Variants in RBFOX1 observed in about 807,000 individuals in gnomAD.
The protein encoded by RBFOX1 is RNA binding fox-1 homolog 1.
In RBFOX1, 8 loss-of-function variants were observed where a neutral mutation model predicts 57.7. The ratio of observed to expected loss-of-function variants is 0.14; its 90% confidence interval spans 0.08 to 0.25. The LOEUF is 0.25. Among genes scored for constraint, RBFOX1 ranks in the 10% least tolerant of loss-of-function variants. The probability of loss-of-function intolerance (pLI) is 1.00; values close to 1 mark genes in which losing one functional copy is unlikely to be tolerated. For missense variants in RBFOX1, 611 were observed against 548.5 expected (o/e 1.11, Z -1.14); for synonymous variants, 326 against 222.4 (o/e 1.47, Z -4.15).
At chr16:5,412,797 A>G (rs888887311) in intron 1 of RBFOX1, among the ~76,000 whole-genome samples, 17 of 152,252 alleles carry the variant, frequency 1.1e-4, no homozygotes, top group African/African-American at 3.9e-4. Flanking sequence ...GCACCTACAC[A>G]CATATCCACC....
At chr16:5,269,117 ATGTTGGC>A (rs2062937077) in intron 1 of RBFOX1, among the ~76,000 whole-genome samples, 1 of 152,190 alleles carries the variant, frequency 6.6e-6, no homozygotes, top group Non-Finnish European at 1.5e-5. Flanking sequence ...GGGTTTCACC[ATGTTGGC>A]CAGGCTGGTC....
rs571228205 is a variant in RBFOX1, at chr16:6,665,661, T to G, written c.-16+11011T>G. Among the ~76,000 whole-genome samples the G allele has an allele frequency of 1.1e-4, 16 of 150,874 alleles. 1 individual carries two copies. In the East Asian group the frequency reaches 2.9e-3, roughly 27 times the overall value. On this transcript the variant is annotated intron_variant, in intron 3 of 15. Transcript: ENST00000550418. ...AAAAGAAGAAGGAGGGAGTGTCACC[T>G]AATGAAACCTTGACTGATATTTTTT...
intron 1 of RBFOX1, among the ~76,000 whole-genome samples, chr16:6,298,131 G>C (rs893783278): frequency 1.3e-5 from 2 of 152,188 alleles, no homozygotes; most frequent in African/African-American, 4.8e-5. Context: ...CACACGCCCA[G>C]TTGGGCTCCT....
At chr16:7,674,359 T>C (rs1433788249) in intron 13 of RBFOX1, among the ~76,000 whole-genome samples, 1 of 152,194 alleles carries the variant, frequency 6.6e-6, no homozygotes, top group African/African-American at 2.4e-5. Context: ...ATCAGTTCAT[T>C]GCACTAGTTA....
chr16:6,385,832 G>A (rs2092231159), intron 2 of RBFOX1, among the ~76,000 whole-genome samples: 1 of 152,216 alleles, frequency 6.6e-6, no homozygotes, highest in South Asian at 2.1e-4. Context: ...CCAGGGAGCT[G>A]AAATACTAGT....
intron 4 of RBFOX1, among the ~76,000 whole-genome samples, chr16:7,423,574 A>G (rs1037603247): frequency 3.3e-5 from 5 of 152,146 alleles, no homozygotes; most frequent in African/African-American, 9.7e-5. Flanking sequence ...CTACCCTCAC[A>G]CTACTGGAAA....
At chr16:7,099,734 G>T (rs2062343613) in intron 4 of RBFOX1, among the ~76,000 whole-genome samples, 1 of 152,134 alleles carries the variant, frequency 6.6e-6, no homozygotes, top group South Asian at 2.1e-4. Context: ...CAAGGAGGAA[G>T]GTGTTTCCAG....
At chr16:6,876,440 G>A (rs1055255372) in intron 3 of RBFOX1, among the ~76,000 whole-genome samples, 4 of 151,928 alleles carry the variant, frequency 2.6e-5, no homozygotes, top group Non-Finnish European at 5.9e-5. Context: ...TCTTAAAAAT[G>A]AAGTGATATC....
chr16:7,622,907 T>C (rs1171827117), intron 10 of RBFOX1, among the ~76,000 whole-genome samples: 1 of 152,188 alleles, frequency 6.6e-6, no homozygotes, highest in Non-Finnish European at 1.5e-5. Context: ...ACTGTGAAAA[T>C]ATTCTTACAT....
At chr16:5,255,187 T>C (rs1300905750) in intron 1 of RBFOX1, among the ~76,000 whole-genome samples, 2 of 152,114 alleles carry the variant, frequency 1.3e-5, no homozygotes, top group African/African-American at 2.4e-5. Flanking sequence ...TCATGAGTAT[T>C]ACAGAGGCAA....
chr16:6,581,276 C>T (rs1319431583), intron 2 of RBFOX1, among the ~76,000 whole-genome samples: 1 of 152,196 alleles, frequency 6.6e-6, no homozygotes, highest in Admixed American at 6.5e-5. Context: ...TTATCTCCTG[C>T]ACAGGGTTCT....
At chr16:5,359,843 G>T (rs1003956741) in intron 1 of RBFOX1, among the ~76,000 whole-genome samples, 1 of 152,136 alleles carries the variant, frequency 6.6e-6, no homozygotes, top group Non-Finnish European at 1.5e-5. Flanking sequence ...TTTCCTCTCT[G>T]GTCCTCCGCT....
chr16:6,546,371 G>GTT (rs1253182087), intron 2 of RBFOX1, among the ~76,000 whole-genome samples: 2 of 152,214 alleles, frequency 1.3e-5, no homozygotes, highest in African/African-American at 4.8e-5. Flanking sequence ...AAAAATGACA[G>GTT]ACATTTATTG....
intron 1 of RBFOX1, among the ~76,000 whole-genome samples, chr16:5,450,551 C>T (rs541315089): frequency 1.3e-5 from 2 of 152,190 alleles, no homozygotes; most frequent in Non-Finnish European, 2.9e-5. Flanking sequence ...AGAGGTTGAG[C>T]ACATCCCTTT....
intron 3 of RBFOX1, among the ~76,000 whole-genome samples, chr16:5,645,669 C>G (rs529257084): frequency 6.6e-6 from 1 of 152,132 alleles, no homozygotes; most frequent in Non-Finnish European, 1.5e-5. Context: ...TATTTACATA[C>G]GTATTTTTTG....
At chr16:7,654,583 C>T (rs2065864851) in intron 12 of RBFOX1, among the ~76,000 whole-genome samples, 1 of 152,114 alleles carries the variant, frequency 6.6e-6, no homozygotes, top group Non-Finnish European at 1.5e-5. Context: ...TCCTTCTCTG[C>T]ACAGACTTTG....
intron 9 of RBFOX1, among the ~76,000 whole-genome samples, chr16:7,602,395 G>C (rs539342489): frequency 6.6e-6 from 1 of 152,164 alleles, no homozygotes; most frequent in Admixed American, 6.5e-5. Context: ...GGGGGGCCCT[G>C]GGAGGCTGGG....
At chr16:7,234,903 C>T (rs1223601840) in intron 4 of RBFOX1, among the ~76,000 whole-genome samples, 2 of 152,030 alleles carry the variant, frequency 1.3e-5, no homozygotes, top group African/African-American at 4.8e-5. Context: ...TCACAGACAT[C>T]TCCCAATTCC....
chr16:5,930,347 T>A (rs2059023953), intron 4 of RBFOX1, among the ~76,000 whole-genome samples: 1 of 126,864 alleles, frequency 7.9e-6, no homozygotes, highest in African/African-American at 3.1e-5. Flanking sequence ...GGAAGGTTGG[T>A]AGCTGGATGG....
Sources: gnomAD v4.1 joint callset for allele counts (sites outside exome capture counted in the v4.1 genomes callset) on GRCh38, gnomAD v4.1.1 for gene constraint, MANE v1.5 for transcripts, NCBI Gene and HGNC (gene_info 2026-07-23, HGNC 2026-07-21) for gene names.